FAT3: variants seen among roughly 807,000 people sequenced by gnomAD.
FAT3 encodes the protein FAT atypical cadherin 3, also known as protocadherin Fat 3.
In FAT3, 95 loss-of-function variants were observed where a neutral mutation model predicts 310.2. That is an observed-to-expected ratio of 0.31 (90% CI 0.26 to 0.36). The LOEUF (loss-of-function observed/expected upper bound fraction) is 0.36, where lower values mean the gene tolerates loss of function less well. Ranked by LOEUF, FAT3 falls within the 10% of genes least tolerant of loss-of-function variation. The probability of loss-of-function intolerance (pLI) is 1.00; values close to 1 mark genes in which losing one functional copy is unlikely to be tolerated. For synonymous variants in FAT3, 2,314 were observed against 2,192.9 expected (o/e 1.06, Z -1.54); for missense variants, 5,408 against 5,715.6 (o/e 0.95, Z 1.74).
At chr11:92,309,227 C>T (rs1044226768) in intron 1 of FAT3, among the ~76,000 whole-genome samples, 2 of 148,520 alleles carry the variant, frequency 1.3e-5, no homozygotes, top group East Asian at 4.0e-4. Context: ...ACCGGCTTGG[C>T]GGTCCTGTCC....
intron 3 of FAT3, among the ~76,000 whole-genome samples, chr11:92,568,580 C>G (rs1286658904): frequency 6.6e-6 from 1 of 152,116 alleles, no homozygotes; most frequent in East Asian, 1.9e-4. Flanking sequence ...TTTGATTAGA[C>G]TGATTATAAT....
At chr11:92,654,755 C>G (rs1392846331) in intron 3 of FAT3, among the ~76,000 whole-genome samples, 1 of 152,190 alleles carries the variant, frequency 6.6e-6, no homozygotes. Context: ...GCTTTTATTC[C>G]TGTTTCCTTT....
At chr11:92,797,764 G>C (rs1947213370) in intron 9 of FAT3, 72 bp from the exon 10 acceptor site, 1 of 1,338,848 alleles carries the variant, frequency 7.5e-7, no homozygotes, top group South Asian at 1.3e-5. Context: ...GGTACCTATA[G>C]ATAAAGAGTT....
At chr11:92,329,347 G>C (rs1054211455) in intron 1 of FAT3, among the ~76,000 whole-genome samples, 1 of 151,788 alleles carries the variant, frequency 6.6e-6, no homozygotes, top group Admixed American at 6.6e-5. Flanking sequence ...CTGTTAAAAA[G>C]AGCCTGGCAT....
At chr11:92,675,886 G>A (rs1242171044) in intron 3 of FAT3, among the ~76,000 whole-genome samples, 1 of 152,002 alleles carries the variant, frequency 6.6e-6, no homozygotes, top group African/African-American at 2.4e-5. Flanking sequence ...GGTAATTTTG[G>A]GTGATCACTC....
chr11:92,260,583 G>A (rs1865507578), intron 1 of FAT3, among the ~76,000 whole-genome samples: 2 of 152,056 alleles, frequency 1.3e-5, no homozygotes, highest in African/African-American at 4.8e-5. Context: ...AGTGTAACAA[G>A]GCTTCATCCA....
intron 4 of FAT3, among the ~76,000 whole-genome samples, chr11:92,745,654 G>T (rs1398030088): frequency 6.7e-6 from 1 of 148,932 alleles, no homozygotes; most frequent in Non-Finnish European, 1.5e-5. Context: ...GCAAAGAAAA[G>T]ATTTGGACAA....
At chr11:92,742,427 C>T (rs1945533366) in intron 4 of FAT3, among the ~76,000 whole-genome samples, 1 of 152,130 alleles carries the variant, frequency 6.6e-6, no homozygotes, top group Non-Finnish European at 1.5e-5. Flanking sequence ...CTGTGAATTC[C>T]CTGAAGGAAA....
At chr11:92,668,120 A>C (rs1017950065) in intron 3 of FAT3, among the ~76,000 whole-genome samples, 1 of 152,166 alleles carries the variant, frequency 6.6e-6, no homozygotes, top group Non-Finnish European at 1.5e-5. Flanking sequence ...GCGTGTCTTT[A>C]TGACTGGAAG....
intron 3 of FAT3, among the ~76,000 whole-genome samples, chr11:92,669,559 C>A (rs1467282672): frequency 6.6e-6 from 1 of 152,184 alleles, no homozygotes; most frequent in African/African-American, 2.4e-5. Flanking sequence ...GCTTTAAAGA[C>A]AATACCAGTT....
chr11:92,476,713 G>T (rs149180297), intron 2 of FAT3, among the ~76,000 whole-genome samples: 1 of 152,300 alleles, frequency 6.6e-6, no homozygotes, highest in East Asian at 1.9e-4. Context: ...CTTGGGGAAA[G>T]AAATCAACAT....
At chr11:92,285,545 G>A (rs919377089) in intron 1 of FAT3, among the ~76,000 whole-genome samples, 1 of 152,124 alleles carries the variant, frequency 6.6e-6, no homozygotes, top group South Asian at 2.1e-4. Context: ...CACTATTGTA[G>A]CTCATTTGAG....
At chr11:92,475,900 C>T (rs1184162923) in intron 2 of FAT3, among the ~76,000 whole-genome samples, 1 of 152,016 alleles carries the variant, frequency 6.6e-6, no homozygotes, top group Non-Finnish European at 1.5e-5. Flanking sequence ...ATGGAGAGAG[C>T]AGGTCATAAA....
chr11:92,693,338 G>A (rs534258198), intron 3 of FAT3, among the ~76,000 whole-genome samples: 4 of 152,264 alleles, frequency 2.6e-5, no homozygotes, highest in African/African-American at 7.2e-5. Flanking sequence ...AATTTACTGT[G>A]CCCAGTGGGT....
intron 2 of FAT3, among the ~76,000 whole-genome samples, chr11:92,434,861 C>G (rs192637342): frequency 6.6e-6 from 1 of 152,186 alleles, no homozygotes; most frequent in East Asian, 1.9e-4. Context: ...AATCAGTGTC[C>G]TCATATATGA....
intron 3 of FAT3, among the ~76,000 whole-genome samples, chr11:92,649,451 C>T (rs1030115204): frequency 2.0e-5 from 3 of 152,158 alleles, no homozygotes; most frequent in Non-Finnish European, 2.9e-5. Flanking sequence ...AGCTCTAGAC[C>T]TCTCCTGAAA....
chr11:92,647,697 A>T (rs978625878), intron 3 of FAT3, among the ~76,000 whole-genome samples: 1 of 152,146 alleles, frequency 6.6e-6, no homozygotes, highest in African/African-American at 2.4e-5. Flanking sequence ...CAATGAGCTT[A>T]TAGTTTTGCA....
chr11:92,470,746 C>T (rs998172039), intron 2 of FAT3, among the ~76,000 whole-genome samples: 4 of 152,192 alleles, frequency 2.6e-5, no homozygotes, highest in Non-Finnish European at 5.9e-5. Context: ...CTATTTGTAG[C>T]TTTCAGTGCT....
intron 1 of FAT3, among the ~76,000 whole-genome samples, chr11:92,289,500 TACACACACACACACAC>T (rs10562084): frequency 3.5e-5 from 5 of 144,230 alleles, no homozygotes; most frequent in African/African-American, 1.3e-4. Flanking sequence ...CCATGATAGA[TACACACACACACACAC>T]ACACACACAC....
Sources: gnomAD v4.1 joint callset for allele counts (sites outside exome capture counted in the v4.1 genomes callset) on GRCh38, gnomAD v4.1.1 for gene constraint, MANE v1.5 for transcripts, NCBI Gene and HGNC (gene_info 2026-07-23, HGNC 2026-07-21) for gene names.